Variants in AGAP1 observed in about 807,000 individuals in gnomAD.
The protein encoded by AGAP1 is arf-GAP with GTPase, ANK repeat and PH domain-containing protein 1.
Under a neutral mutation model 105.3 loss-of-function variants are expected in AGAP1, and 29 were observed. That is an observed-to-expected ratio of 0.28 (90% CI 0.21 to 0.38). AGAP1 has a LOEUF of 0.38. AGAP1 is among the 10% of genes least tolerant of loss of function. The probability of loss-of-function intolerance (pLI) is 1.00; values close to 1 mark genes in which losing one functional copy is unlikely to be tolerated. For missense variants in AGAP1, 998 were observed against 1,165.1 expected (o/e 0.86, Z 2.09); for synonymous variants, 509 against 485.9 (o/e 1.05, Z -0.63).
chr2:235,598,236 A>G (rs552928510), intron 1 of AGAP1, among the ~76,000 whole-genome samples: 1 of 152,182 alleles, frequency 6.6e-6, no homozygotes. Context: ...TGGCCCCGCG[A>G]TGGAACAGCG....
In AGAP1 at chr2:235,600,535, G is replaced by A. The variant is rs1464963304; in HGVS notation, c.163+105686G>A. ...GTAATAAAGGGGAGTTTATTAAGGAGTATTAACTCACAGGATCACAAGGTC... is the reference window on the plus strand; with the variant it reads ...GTAATAAAGGGGAGTTTATTAAGGAATATTAACTCACAGGATCACAAGGTC... On this transcript the variant is annotated intron_variant, in intron 1 of 17. Coordinates refer to ENST00000304032, the MANE Select transcript of AGAP1 (RefSeq NM_001037131.3). The surrounding 1 kb of genome is among the most constrained non-coding windows in gnomAD (Gnocchi z 4.8). Among the ~76,000 whole-genome samples, 2 of 152,162 alleles carry A rather than the reference G, an allele frequency of 1.3e-5. No homozygotes were observed. The highest frequency in any genetic ancestry group is 4.8e-5 in the African/African-American group (2 of 41,422).
intron 10 of AGAP1, among the ~76,000 whole-genome samples, chr2:235,896,373 A>G (rs907954461): frequency 2.6e-5 from 4 of 152,222 alleles, no homozygotes; most frequent in South Asian, 4.1e-4. Flanking sequence ...CCTCTTGGCC[A>G]CTGTGGACAA....
rs1389551479 is a variant in AGAP1, at chr2:235,865,113, A to G, written c.1051-18232A>G. Among the ~76,000 whole-genome samples the G allele has an allele frequency of 6.6e-6, 1 of 152,200 alleles. No homozygotes were observed. The highest frequency in any genetic ancestry group is 1.5e-5 in the Non-Finnish European group (1 of 68,034). ...GAAGTGTGTCGGTCACAAAGCATAC[A>G]TTTCGGGGCAGTTAGCTGAATAATT... On this transcript the variant is annotated intron_variant, in intron 9 of 17. Coordinates refer to ENST00000304032, the MANE Select transcript of AGAP1 (RefSeq NM_001037131.3). This position sits in a 1 kb window ranked among gnomAD's most constrained non-coding sequence, Gnocchi z 6.2.
At chr2:235,886,519 T>G (rs1259158239) in intron 10 of AGAP1, among the ~76,000 whole-genome samples, 1 of 152,234 alleles carries the variant, frequency 6.6e-6, no homozygotes, top group Non-Finnish European at 1.5e-5. Context: ...AGGCTTTTTT[T>G]TGTGATGTCC....
At chr2:236,032,221 A>G (rs2057245616) in intron 13 of AGAP1, among the ~76,000 whole-genome samples, 1 of 152,206 alleles carries the variant, frequency 6.6e-6, no homozygotes, top group African/African-American at 2.4e-5. Flanking sequence ...CATTGATAAA[A>G]CATTGAATAT....
At chr2:235,572,510 T>G (rs558337796) in intron 1 of AGAP1, among the ~76,000 whole-genome samples, 1 of 152,198 alleles carries the variant, frequency 6.6e-6, no homozygotes, top group South Asian at 2.1e-4. Flanking sequence ...TCCTGCGTCC[T>G]TTGCACCATA....
rs1190900227 is a variant in AGAP1, at chr2:235,660,976, A to G, written c.164-48203A>G. ...AGACTGGAGGGTGTCGGGGCGTTGA[A>G]TACTGGTTAAGGAAACGGACGCTTT... is the stretch of plus-strand genomic sequence containing the variant. On this transcript the variant is annotated intron_variant, in intron 1 of 17. Transcript: ENST00000304032. This position sits in a 1 kb window ranked among gnomAD's most constrained non-coding sequence, Gnocchi z 5.3. Among the ~76,000 whole-genome samples the G allele has an allele frequency of 6.6e-6, 1 of 152,184 alleles. No individual in the cohort carries two copies. The highest frequency in any genetic ancestry group is 1.5e-5 in the Non-Finnish European group (1 of 68,042).
chr2:235,653,988 G>A (rs764535485), intron 1 of AGAP1, among the ~76,000 whole-genome samples: 3 of 152,172 alleles, frequency 2.0e-5, no homozygotes, highest in Middle Eastern at 3.2e-3. Flanking sequence ...CCCGGGAGGC[G>A]GAGATTGCAG....
rs1316104548 is a variant in AGAP1 at position 235,951,492 on chromosome 2, T to C, written c.1484-16970T>C. Among the ~76,000 whole-genome samples the C allele has an allele frequency of 4.6e-5, 7 of 152,170 alleles. 1 individual carries two copies. In the East Asian group the frequency reaches 1.3e-3, roughly 29 times the overall value. On this transcript the variant is annotated intron_variant, in intron 12 of 17. Transcript: ENST00000304032. The surrounding 1 kb of genome is among the most constrained non-coding windows in gnomAD (Gnocchi z 4.2). The stretch of plus-strand genomic sequence containing the variant: ...AAAATTATGAGATTTCCTCTGAACT[T>C]TGTTCTTCTCGTTATTTTTGGAATG...
chr2:236,073,976 C>CCTTGGGTGCCA lies in AGAP1; in HGVS notation c.2114+24695_2114+24696insCTTGGGTGCCA, dbSNP rs2058572352. On this transcript the variant is annotated intron_variant, in intron 16 of 17. Coordinates refer to ENST00000304032, the MANE Select transcript of AGAP1 (RefSeq NM_001037131.3). The surrounding 1 kb of genome is among the most constrained non-coding windows in gnomAD (Gnocchi z 5.4). Reference sequence around the variant, plus strand: ...GGTGCCAAGGTCTCCTCCAGGAGCACAGGTTCTCACCTGGGGCTGATCTGC... The same window carrying CCTTGGGTGCCA: ...GGTGCCAAGGTCTCCTCCAGGAGCACCTTGGGTGCCAAGGTTCTCACCTGGGGCTGATCTGC... 6.6e-6 allele frequency among the ~76,000 whole-genome samples: 1 copy of CCTTGGGTGCCA among 152,192 alleles called. No individual in the cohort carries two copies. Among genetic ancestry groups the CCTTGGGTGCCA allele is most frequent in the Non-Finnish European group, 1.5e-5 (1 of 68,030 alleles).
At position 236,078,531 on chromosome 2, in the gene AGAP1, C is replaced by T. The variant is rs529021571; in HGVS notation, c.2114+29250C>T. On this transcript the variant is annotated intron_variant, in intron 16 of 17. Transcript: ENST00000304032. The surrounding 1 kb of genome is among the most constrained non-coding windows in gnomAD (Gnocchi z 5.3). ...CTGGAGAATTCCTTCCCAGCAAAAGCCGCACGCTGCTTCTCCCAGAGGGGT... is the reference window on the plus strand; with the variant it reads ...CTGGAGAATTCCTTCCCAGCAAAAGTCGCACGCTGCTTCTCCCAGAGGGGT... Among the ~76,000 whole-genome samples the T allele has an allele frequency of 6.6e-6, 1 of 152,306 alleles. No individual in the cohort carries two copies. Among genetic ancestry groups the T allele is most frequent in the African/African-American group, 2.4e-5 (1 of 41,568 alleles).
At chr2:236,043,455 G>C (rs147249595) in intron 15 of AGAP1, among the ~76,000 whole-genome samples, 1 of 152,192 alleles carries the variant, frequency 6.6e-6, no homozygotes, top group Non-Finnish European at 1.5e-5. Context: ...GCCTGGGCAC[G>C]GTGGCTCACG....
intron 1 of AGAP1, among the ~76,000 whole-genome samples, chr2:235,572,603 A>T (rs112175656): frequency 2.0e-5 from 3 of 151,970 alleles, no homozygotes; most frequent in African/African-American, 7.3e-5. Flanking sequence ...CTTCCTGCCC[A>T]CTTCTCTGCA....
intron 1 of AGAP1, among the ~76,000 whole-genome samples, chr2:235,514,673 C>T (rs1192435061): frequency 1.3e-5 from 2 of 152,274 alleles, no homozygotes; most frequent in African/African-American, 4.8e-5. Context: ...CTGGCGATTC[C>T]AGGGCCTGCC....
rs1944782791 is a variant in AGAP1, at chr2:235,577,768, C to A, written c.163+82919C>A. 6.6e-6 allele frequency among the ~76,000 whole-genome samples: 1 copy of A among 152,116 alleles called. No individual in the cohort carries two copies. The highest frequency in any genetic ancestry group is 6.6e-5 in the Admixed American group (1 of 15,264). The stretch of plus-strand genomic sequence containing the variant: ...TCAACACAGGCTTGTCTGCTGGCCT[C>A]CCCCGGGAGAGAGAGTAGGTTTGCT... On this transcript the variant is annotated intron_variant, in intron 1 of 17. Coordinates refer to ENST00000304032, the MANE Select transcript of AGAP1 (RefSeq NM_001037131.3). The surrounding 1 kb of genome is among the most constrained non-coding windows in gnomAD (Gnocchi z 4.5).
rs535395057 is a variant in AGAP1, at chr2:235,714,954, C to T, written c.223-2603C>T. Among the ~76,000 whole-genome samples the T allele has an allele frequency of 2.0e-3, 307 of 152,156 alleles. No individual in the cohort carries two copies. The highest frequency in any genetic ancestry group is 3.3e-3 in the Non-Finnish European group (225 of 67,988). On this transcript the variant is annotated intron_variant, in intron 2 of 17. Transcript: ENST00000304032. The surrounding 1 kb of genome is among the most constrained non-coding windows in gnomAD (Gnocchi z 4.1). ...CTGGGACTACAGGCGTGTGCCACCA[C>T]GCCTTGTTATTTTTTTGTAGTTTTA...
chr2:235,696,861 G>A (rs1203988251), intron 1 of AGAP1, among the ~76,000 whole-genome samples: 1 of 152,064 alleles, frequency 6.6e-6, no homozygotes, highest in East Asian at 1.9e-4. Context: ...GCACACGTCT[G>A]TAATCCTAGC....
chr2:235,715,875 G>A (rs1261075037), intron 2 of AGAP1, among the ~76,000 whole-genome samples: 3 of 152,152 alleles, frequency 2.0e-5, no homozygotes, highest in Non-Finnish European at 4.4e-5. Flanking sequence ...TGGCTTGAGA[G>A]GCTGGGTGTG....
At chr2:235,502,629 C>G (rs967724481) in intron 1 of AGAP1, among the ~76,000 whole-genome samples, 3 of 150,716 alleles carry the variant, frequency 2.0e-5, no homozygotes, top group Admixed American at 2.0e-4. Flanking sequence ...ACACAAGCAA[C>G]TGTCTAATCT....
Sources: gnomAD v4.1 joint callset for allele counts (sites outside exome capture counted in the v4.1 genomes callset) on GRCh38, gnomAD v4.1.1 for gene constraint, Gnocchi (gnomAD v3.1) non-coding constraint, MANE v1.5 for transcripts, NCBI Gene and HGNC (gene_info 2026-07-23, HGNC 2026-07-21) for gene names.